SLC60A2: variants seen among roughly 807,000 people sequenced by gnomAD.
SLC60A2 encodes the protein major facilitator superfamily domain containing 4B.
At chr6:111,275,433 G>A in the SLC60A2 span, among the ~76,000 whole-genome samples, 9 of 146,918 alleles carry the variant, frequency 6.1e-5, no homozygotes, top group Admixed American at 6.2e-4. Context: ...TTTTTAATAT[G>A]GAGTCTTGCT....
the SLC60A2 span, among the ~76,000 whole-genome samples, chr6:111,277,167 C>T: frequency 1.3e-5 from 2 of 152,244 alleles, no homozygotes; most frequent in African/African-American, 4.8e-5. Flanking sequence ...CTGCTCTGTA[C>T]CAGAGAAGTG....
At chr6:111,277,478 C>T in the SLC60A2 span, among the ~76,000 whole-genome samples, 1 of 152,194 alleles carries the variant, frequency 6.6e-6, no homozygotes, top group African/African-American at 2.4e-5. Flanking sequence ...CAAATTCATG[C>T]ATTTCAGTTA....
At chr6:111,263,807 T>C in the SLC60A2 span, 62 of 1,283,646 alleles carry the variant, frequency 4.8e-5, no homozygotes, top group Admixed American at 8.5e-5. Context: ...TTATTTTTTA[T>C]AGCTGAGTTT....
At chr6:111,261,408 C>G in the SLC60A2 span, among the ~76,000 whole-genome samples, 1 of 152,154 alleles carries the variant, frequency 6.6e-6, no homozygotes, top group Non-Finnish European at 1.5e-5. Context: ...CCATCTCAGC[C>G]TCCCTAGTAA....
At chr6:111,263,777 G>A in the SLC60A2 span, 4 of 923,756 alleles carry the variant, frequency 4.3e-6, no homozygotes, top group Admixed American at 7.4e-5. Flanking sequence ...ATATTGACTT[G>A]ATCCATGACT....
chr6:111,271,137 C>T, the SLC60A2 span: 1 of 131,136 alleles, frequency 7.6e-6, no homozygotes, highest in Non-Finnish European at 1.5e-5. Context: ...CACTACACTC[C>T]AGCCTGGGCA....
At chr6:111,259,685 G>A in the SLC60A2 span, 13 of 1,597,898 alleles carry the variant, frequency 8.1e-6, no homozygotes, top group African/African-American at 2.7e-5. Flanking sequence ...GCAAGCTGCG[G>A]TGGTTCACCA....
chr6:111,276,429 G>C, the SLC60A2 span, among the ~76,000 whole-genome samples: 1 of 152,092 alleles, frequency 6.6e-6, no homozygotes, highest in African/African-American at 2.4e-5. Context: ...TACTTTTAAG[G>C]TATTATCTCA....
the SLC60A2 span, chr6:111,266,379 A>G: frequency 6.2e-7 from 1 of 1,614,098 alleles, no homozygotes; most frequent in Non-Finnish European, 8.5e-7. Context: ...GTTGAACTCC[A>G]TCTTCTGGGG....
the SLC60A2 span, among the ~76,000 whole-genome samples, chr6:111,272,941 C>T: frequency 1.3e-5 from 2 of 149,664 alleles, no homozygotes; most frequent in Admixed American, 6.6e-5. Context: ...AGCGATTCTC[C>T]TGCCTCAGCC....
At chr6:111,263,964 C>T in the SLC60A2 span, 21 of 1,292,092 alleles carry the variant, frequency 1.6e-5, no homozygotes, top group African/African-American at 4.4e-5. Context: ...AGCTCTTCAA[C>T]GTCATCTCTG....
At chr6:111,262,551 C>T in the SLC60A2 span, 3 of 824,218 alleles carry the variant, frequency 3.6e-6, no homozygotes, top group Middle Eastern at 3.5e-4. Flanking sequence ...TAGGTGTCCT[C>T]AATGGCAGTT....
chr6:111,271,998 T>A, the SLC60A2 span, among the ~76,000 whole-genome samples: 1 of 152,028 alleles, frequency 6.6e-6, no homozygotes, highest in Non-Finnish European at 1.5e-5. Context: ...TTCTGATTTA[T>A]CATGGCAATG....
At chr6:111,260,757 G>C in the SLC60A2 span, among the ~76,000 whole-genome samples, 1 of 152,214 alleles carries the variant, frequency 6.6e-6, no homozygotes, top group Non-Finnish European at 1.5e-5. Flanking sequence ...GAGGGGTGAA[G>C]AAAGAAATCA....
At chr6:111,279,495 A>C in the SLC60A2 span, among the ~76,000 whole-genome samples, 5 of 150,820 alleles carry the variant, frequency 3.3e-5, no homozygotes, top group Non-Finnish European at 7.4e-5. Context: ...TGATCCGCCC[A>C]CCTCGGCCTC....
chr6:111,275,168 C>T, the SLC60A2 span, among the ~76,000 whole-genome samples: 1 of 151,958 alleles, frequency 6.6e-6, no homozygotes, highest in Non-Finnish European at 1.5e-5. Flanking sequence ...ATCCTTCCAC[C>T]TCAGCTAGGA....
chr6:111,272,576 A>C, the SLC60A2 span, among the ~76,000 whole-genome samples: 1 of 146,282 alleles, frequency 6.8e-6, no homozygotes, highest in East Asian at 2.0e-4. Flanking sequence ...TAATGGCACG[A>C]TCTCTGCTCA....
chr6:111,272,394 G>A, the SLC60A2 span, among the ~76,000 whole-genome samples: 1 of 151,934 alleles, frequency 6.6e-6, no homozygotes, highest in African/African-American at 2.4e-5. Flanking sequence ...TAATTTCTTT[G>A]TGTTAGGAAA....
the SLC60A2 span, among the ~76,000 whole-genome samples, chr6:111,274,745 GTA>G: frequency 6.6e-6 from 1 of 152,222 alleles, no homozygotes; most frequent in African/African-American, 2.4e-5. Flanking sequence ...GCCTTCAGAT[GTA>G]TTAAGCATTT....
Sources: allele counts gnomAD v4.1 joint callset (sites outside exome capture counted in the v4.1 genomes callset), GRCh38; gene constraint gnomAD v4.1.1; transcripts MANE v1.5; gene names NCBI Gene and HGNC (gene_info 2026-07-23, HGNC 2026-07-21).